The following RBKS variants were observed in gnomAD, a reference collection of about 807,000 sequenced individuals.
RBKS encodes the protein ribokinase.
In RBKS, 33 loss-of-function variants were observed where a neutral mutation model predicts 33.9. That is an observed-to-expected ratio of 0.97 (90% CI 0.74 to 1.30). The LOEUF (loss-of-function observed/expected upper bound fraction) is 1.30, where lower values mean the gene tolerates loss of function less well. Ranked by LOEUF, RBKS falls within the 50% of genes most tolerant of loss-of-function variation. The pLI, the probability that RBKS is intolerant of heterozygous loss-of-function variation, is 0.00. For missense variants in RBKS, 361 were observed against 392.6 expected (o/e 0.92, Z 0.68); for synonymous variants, 125 against 143.0 (o/e 0.87, Z 0.90).
At chr2:27,853,822 C>T (rs1036248716) in intron 2 of RBKS, among the ~76,000 whole-genome samples, 14 of 152,222 alleles carry the variant, frequency 9.2e-5, no homozygotes, top group Admixed American at 6.5e-4. Flanking sequence ...GTTATAGGAT[C>T]ATTTGTTTGA....
chr2:27,807,241 T>G (rs1333753656), intron 7 of RBKS, among the ~76,000 whole-genome samples: 1 of 152,226 alleles, frequency 6.6e-6, no homozygotes, highest in African/African-American at 2.4e-5. Flanking sequence ...ATTTACATTG[T>G]GAGATGTTCA....
At chr2:27,868,575 T>A (rs1664144216) in intron 1 of RBKS, among the ~76,000 whole-genome samples, 1 of 152,224 alleles carries the variant, frequency 6.6e-6, no homozygotes, top group Non-Finnish European at 1.5e-5. Flanking sequence ...CAGTCATTTA[T>A]ATAAGAGCAT....
chr2:27,824,633 A>G (rs1573049397), intron 7 of RBKS, among the ~76,000 whole-genome samples: 1 of 152,246 alleles, frequency 6.6e-6, no homozygotes, highest in Non-Finnish European at 1.5e-5. Context: ...GCTGATAAAC[A>G]CTGGGTTCTT....
At chr2:27,887,216 T>C (rs550440029) in intron 1 of RBKS, among the ~76,000 whole-genome samples, 66 of 152,190 alleles carry the variant, frequency 4.3e-4, no homozygotes, top group Admixed American at 2.0e-3. Flanking sequence ...TGAACAACCA[T>C]TGCTGGCTCT....
chr2:27,842,268 G>A (rs1261303360), intron 5 of RBKS, among the ~76,000 whole-genome samples: 1 of 152,174 alleles, frequency 6.6e-6, no homozygotes, highest in Non-Finnish European at 1.5e-5. Context: ...GAGTGAGTGG[G>A]AGAAAAGATG....
Position 27,883,487 on chromosome 2 carries a change from C to A in RBKS, c.89+6770G>T, listed in dbSNP as rs547547593. 1.1e-3 allele frequency among the ~76,000 whole-genome samples: 164 copies of A among 152,254 alleles called. 1 individual carries two copies. Among genetic ancestry groups the A allele is most frequent in the Non-Finnish European group, 2.1e-3 (140 of 67,996 alleles). The stretch of plus-strand genomic sequence containing the variant: ...GTGCTGGGATTACAGGCGTGAGACA[C>A]CACGCCCAGCCTCCTAACTGCAGTA... On this transcript the variant is annotated intron_variant, in intron 1 of 7. Transcript: ENST00000302188.
chr2:27,852,665 AAT>A (rs544436383), intron 2 of RBKS, among the ~76,000 whole-genome samples: 54 of 152,354 alleles, frequency 3.5e-4, no homozygotes, highest in African/African-American at 1.2e-3. Context: ...ATTTGGGGTA[AAT>A]AAAACACAGG....
At chr2:27,839,472 C>T (rs560350900) in intron 5 of RBKS, among the ~76,000 whole-genome samples, 13 of 152,094 alleles carry the variant, frequency 8.5e-5, no homozygotes, top group South Asian at 8.3e-4. Flanking sequence ...ACAGGGCTAC[C>T]GATTTTTGGT....
chr2:27,883,002 A>G (rs950798856), intron 1 of RBKS, among the ~76,000 whole-genome samples: 1 of 150,262 alleles, frequency 6.7e-6, no homozygotes, highest in African/African-American at 2.4e-5. Flanking sequence ...CTGGGTGACA[A>G]AAAAAAAATA....
intron 7 of RBKS, among the ~76,000 whole-genome samples, chr2:27,801,987 TATATA>T (rs1165837802): frequency 3.1e-5 from 3 of 97,102 alleles, no homozygotes; most frequent in African/African-American, 9.3e-5. Context: ...TATATATATA[TATATA>T]TTTTTTTTTT....
chr2:27,804,766 C>T (rs1207443614), intron 7 of RBKS, among the ~76,000 whole-genome samples: 1 of 152,120 alleles, frequency 6.6e-6, no homozygotes, highest in East Asian at 1.9e-4. Flanking sequence ...AATTCCTGGC[C>T]AGGCACGGTG....
intron 1 of RBKS, among the ~76,000 whole-genome samples, chr2:27,859,061 T>C (rs1663919546): frequency 6.6e-6 from 1 of 152,130 alleles, no homozygotes; most frequent in Non-Finnish European, 1.5e-5. Context: ...GAAGTTACAA[T>C]TCCAGGTGCT....
At chr2:27,825,761 C>T (rs1288991408) in intron 7 of RBKS, among the ~76,000 whole-genome samples, 1 of 152,238 alleles carries the variant, frequency 6.6e-6, no homozygotes, top group Non-Finnish European at 1.5e-5. Context: ...TATCTTTACA[C>T]TTTGCAATTA....
At chr2:27,805,141 G>A (rs564810501) in intron 7 of RBKS, among the ~76,000 whole-genome samples, 17 of 152,242 alleles carry the variant, frequency 1.1e-4, no homozygotes, top group African/African-American at 3.9e-4. Flanking sequence ...GGGCCACACT[G>A]GAAGAATTGT....
chr2:27,834,492 C>G (rs12463914), intron 5 of RBKS, among the ~76,000 whole-genome samples: 1 of 151,962 alleles, frequency 6.6e-6, no homozygotes, highest in Non-Finnish European at 1.5e-5. Context: ...TACAGATAGC[C>G]CAACACCCCC....
intron 4 of RBKS, 118 bp downstream of exon 4, chr2:27,846,924 C>CT: frequency 3.1e-6 from 2 of 636,322 alleles, no homozygotes; most frequent in Non-Finnish European, 5.7e-6. Context: ...TGTTTTAGGC[C>CT]TTGGAGTGAT....
At chr2:27,786,612 C>T (rs1478455494) in intron 7 of RBKS, among the ~76,000 whole-genome samples, 1 of 152,120 alleles carries the variant, frequency 6.6e-6, no homozygotes, top group Non-Finnish European at 1.5e-5. Context: ...GAAACCCCGT[C>T]TCTACGAAAA....
chr2:27,887,310 T>A (rs568784498), intron 1 of RBKS, among the ~76,000 whole-genome samples: 1 of 152,252 alleles, frequency 6.6e-6, no homozygotes, highest in South Asian at 2.1e-4. Context: ...GATCCTCCTC[T>A]AGAGTCTCCA....
At chr2:27,782,748 G>T in intron 7 of RBKS, 1 of 334,770 alleles carries the variant, frequency 3.0e-6, no homozygotes, top group Non-Finnish European at 6.6e-6. Context: ...CTTTTTTCAT[G>T]TTGTACTCTT....
Sources: gnomAD v4.1 joint callset for allele counts (sites outside exome capture counted in the v4.1 genomes callset) on GRCh38, gnomAD v4.1.1 for gene constraint, MANE v1.5 for transcripts, NCBI Gene and HGNC (gene_info 2026-07-23, HGNC 2026-07-21) for gene names.